GRIA1: variants seen among roughly 807,000 people sequenced by gnomAD.
The protein encoded by GRIA1 is glutamate ionotropic receptor AMPA type subunit 1.
Under a neutral mutation model 99.2 loss-of-function variants are expected in GRIA1, and 31 were observed. The ratio of observed to expected loss-of-function variants is 0.31; its 90% CI spans 0.23 to 0.42. The LOEUF is 0.42. GRIA1 is among the 10% of genes least tolerant of loss of function. The pLI is 1.00. For missense variants in GRIA1, 782 were observed against 1,157.5 expected (o/e 0.68, Z 4.71); for synonymous variants, 438 against 432.4 (o/e 1.01, Z -0.16).
At chr5:153,588,335 C>T (rs1002161235) in intron 2 of GRIA1, among the ~76,000 whole-genome samples, 2 of 152,288 alleles carry the variant, frequency 1.3e-5, no homozygotes, top group East Asian at 1.9e-4. Flanking sequence ...TGTGTATGCA[C>T]GCACTTCCCC....
chr5:153,547,062 C>T (rs1054359442), intron 2 of GRIA1, among the ~76,000 whole-genome samples: 2 of 152,186 alleles, frequency 1.3e-5, no homozygotes, highest in African/African-American at 2.4e-5. Flanking sequence ...TCATAACCAC[C>T]TAGGCCAAGC....
chr5:153,674,488 C>T lies in GRIA1; in HGVS notation c.700-12C>T. ...AGCATGTTCTAACTTCTCCCTCCTC[C>T]CCCTCTCACAGGGCTTCATGGACAT... On this transcript the variant is annotated splice_polypyrimidine_tract_variant and intron_variant, in intron 5 of 15. Transcript: ENST00000285900. 6.2e-7 allele frequency: 1 copy of T among 1,613,952 alleles called. No individual in the cohort carries two copies. Among genetic ancestry groups the T allele is most frequent in the Admixed American group, 1.7e-5 (1 of 60,022 alleles).
At chr5:153,710,856 A>C (rs1298038677) in intron 11 of GRIA1, among the ~76,000 whole-genome samples, 1 of 152,222 alleles carries the variant, frequency 6.6e-6, no homozygotes, top group African/African-American at 2.4e-5. Context: ...GCTATGAATA[A>C]AATGAACCTG....
intron 11 of GRIA1, among the ~76,000 whole-genome samples, chr5:153,741,726 G>A (rs1426574684): frequency 1.3e-5 from 2 of 152,134 alleles, no homozygotes; most frequent in African/African-American, 2.4e-5. Context: ...TTAAAGAGTG[G>A]AATGGTGGTT....
intron 2 of GRIA1, among the ~76,000 whole-genome samples, chr5:153,557,408 G>C (rs1488546705): frequency 6.6e-6 from 1 of 152,130 alleles, no homozygotes; most frequent in East Asian, 1.9e-4. Flanking sequence ...GGGATTACAG[G>C]CACCTGCCCC....
At chr5:153,584,952 C>A (rs1222884342) in intron 2 of GRIA1, among the ~76,000 whole-genome samples, 3 of 152,196 alleles carry the variant, frequency 2.0e-5, no homozygotes, top group Admixed American at 6.5e-5. Context: ...GCAACTAAAG[C>A]TCAGAAAAGG....
intron 2 of GRIA1, among the ~76,000 whole-genome samples, chr5:153,525,938 A>C (rs1196493713): frequency 6.6e-6 from 1 of 152,240 alleles, no homozygotes; most frequent in Non-Finnish European, 1.5e-5. Context: ...TATAATAATC[A>C]GGATGAAAGT....
chr5:153,664,677 G>A (rs1048122668), intron 5 of GRIA1, among the ~76,000 whole-genome samples: 2 of 152,102 alleles, frequency 1.3e-5, no homozygotes, highest in Admixed American at 1.3e-4. Context: ...CTTCTTCTCT[G>A]CTACATTTCT....
intron 11 of GRIA1, among the ~76,000 whole-genome samples, chr5:153,720,070 T>C (rs1008362669): frequency 6.6e-5 from 10 of 152,206 alleles, no homozygotes; most frequent in Admixed American, 6.5e-5. Context: ...ATCAAAACAT[T>C]AGTTCCTTAA....
At chr5:153,543,213 A>G (rs1455858251) in intron 2 of GRIA1, among the ~76,000 whole-genome samples, 1 of 152,106 alleles carries the variant, frequency 6.6e-6, no homozygotes, top group Non-Finnish European at 1.5e-5. Context: ...GCAATGTTGG[A>G]ATGGTGACAA....
rs141642112 is a variant in GRIA1, at chr5:153,676,576, C to T, written c.862-418C>T. 2.3e-4 allele frequency among the ~76,000 whole-genome samples: 35 copies of T among 152,262 alleles called. 1 individual carries two copies. In the East Asian group the frequency reaches 6.2e-3, roughly 27 times the overall value. Reference sequence around the variant, plus strand: ...GTTCCTCTTGGTTTCCAGCTGATGACTGTAATGCCGGGATAAACCAGCTGA... The same window carrying T: ...GTTCCTCTTGGTTTCCAGCTGATGATTGTAATGCCGGGATAAACCAGCTGA... On this transcript the variant is annotated intron_variant, in intron 6 of 15. Coordinates refer to ENST00000285900, the MANE Select transcript of GRIA1 (RefSeq NM_000827.4).
In GRIA1 at chr5:153,698,872, T is replaced by C. The variant is rs1160456036; in HGVS notation, c.1251T>C (p.Asp417=). The change falls in exon 10 of 16, where the codon GAT becomes GAC. Residue 417 remains aspartate, a synonymous_variant. Coordinates refer to ENST00000285900, the MANE Select transcript of GRIA1 (RefSeq NM_000827.4). ...TCTCCCCATTTCTCTTCCAGGAAGA[T>C]CCTTATGTGATGCTCAAGAAGAACG... ...RTYIVTTILE[D]PYVMLKKNAN... is the part of the protein sequence containing the mutation. 6.2e-7 allele frequency: 1 copy of C among 1,608,250 alleles called. No homozygotes were observed. Among genetic ancestry groups the C allele is most frequent in the Non-Finnish European group, 8.5e-7 (1 of 1,174,750 alleles).
Position 153,630,020 on chromosome 5 carries a change from A to C in GRIA1, c.221-16908A>C, listed in dbSNP as rs564281757. On this transcript the variant is annotated intron_variant, in intron 2 of 15. Coordinates refer to ENST00000285900, the MANE Select transcript of GRIA1 (RefSeq NM_000827.4). ...AAGTGATAAGGACTCATGTGGAATC[A>C]GACATACAGGGGTTTGAATTGTAGC... Among the ~76,000 whole-genome samples, 4 of 152,332 alleles carry C rather than the reference A, an allele frequency of 2.6e-5. No homozygotes were observed. The South Asian group carries it at 6.2e-4, about 24-fold the overall frequency.
Position 153,536,648 on chromosome 5 carries a change from T to C in GRIA1, c.220+42583T>C, listed in dbSNP as rs566767794. 3.3e-5 allele frequency among the ~76,000 whole-genome samples: 5 copies of C among 152,326 alleles called. No homozygotes were observed. The East Asian group carries it at 9.7e-4, about 29-fold the overall frequency. On this transcript the variant is annotated intron_variant, in intron 2 of 15. Transcript: ENST00000285900. ...TTTGGAAATAGCTTTTGGAATCCAT[T>C]GGGCAGATAGTGAAAATTTCAACTA...
intron 5 of GRIA1, among the ~76,000 whole-genome samples, chr5:153,660,982 T>C (rs1228034242): frequency 6.6e-6 from 1 of 152,222 alleles, no homozygotes; most frequent in African/African-American, 2.4e-5. Context: ...GCCATGTGCT[T>C]GCAGATTAAC....
At chr5:153,780,741 T>C (rs1404516735) in intron 13 of GRIA1, among the ~76,000 whole-genome samples, 1 of 152,240 alleles carries the variant, frequency 6.6e-6, no homozygotes, top group Non-Finnish European at 1.5e-5. Context: ...AGTTCTTGAA[T>C]ATGAATCCAT....
chr5:153,566,571 G>T (rs1253143631), intron 2 of GRIA1, among the ~76,000 whole-genome samples: 2 of 151,370 alleles, frequency 1.3e-5, no homozygotes, highest in South Asian at 2.1e-4. Context: ...CTCCCAAAGT[G>T]CTGGGATTAC....
intron 11 of GRIA1, among the ~76,000 whole-genome samples, chr5:153,729,821 G>A (rs1225901706): frequency 6.6e-6 from 1 of 151,964 alleles, no homozygotes; most frequent in Non-Finnish European, 1.5e-5. Context: ...TTGTTTGAGG[G>A]CTTCTGTAAA....
chr5:153,543,371 A>G (rs2113502079), intron 2 of GRIA1, among the ~76,000 whole-genome samples: 1 of 152,362 alleles, frequency 6.6e-6, no homozygotes, highest in South Asian at 2.1e-4. Flanking sequence ...GGTACTAAGT[A>G]CTTGCATATA....
Sources: gnomAD v4.1 joint callset for allele counts (sites outside exome capture counted in the v4.1 genomes callset) on GRCh38, gnomAD v4.1.1 for gene constraint, MANE v1.5 for transcripts, NCBI Gene and HGNC (gene_info 2026-07-23, HGNC 2026-07-21) for gene names.